Variants in DAB1 observed in about 807,000 individuals in gnomAD.
DAB1 encodes disabled homolog 1.
A neutral mutation model predicts 64.6 loss-of-function variants in DAB1; 15 were observed. That is an observed-to-expected ratio of 0.23 (90% CI 0.16 to 0.36). The LOEUF is 0.36. Ranked by LOEUF, DAB1 falls within the 10% of genes least tolerant of loss-of-function variation. The probability of loss-of-function intolerance (pLI) is 1.00; values close to 1 mark genes in which losing one functional copy is unlikely to be tolerated. For synonymous variants in DAB1, 235 were observed against 251.9 expected (o/e 0.93, Z 0.64); for missense variants, 596 against 706.7 (o/e 0.84, Z 1.78).
At chr1:57,640,487 A>G (rs1646115306) in intron 7 of DAB1, among the ~76,000 whole-genome samples, 1 of 152,172 alleles carries the variant, frequency 6.6e-6, no homozygotes, top group Admixed American at 6.5e-5. Flanking sequence ...GGGTGACACA[A>G]GAAACCAAGC....
At chr1:57,033,680 T>C in intron 9 of DAB1, 1 of 1,105,236 alleles carries the variant, frequency 9.0e-7, no homozygotes, top group South Asian at 1.3e-5. Context: ...TTCCGTGGTC[T>C]CAGTAGGCGG....
intron 7 of DAB1, among the ~76,000 whole-genome samples, chr1:57,463,335 G>T (rs1282256269): frequency 1.3e-5 from 2 of 152,122 alleles, no homozygotes; most frequent in East Asian, 1.9e-4. Flanking sequence ...AAATATTTTT[G>T]AAAATATCCA....
At position 57,466,934 on chromosome 1, in the gene DAB1, T is replaced by C. The variant is rs143263734; in HGVS notation, n.626-175768A>G. On this transcript the variant is annotated intron_variant and non_coding_transcript_variant, in intron 7 of 20. Transcript: ENST00000485760. ...TTGTTCTGCCACAAGCCAGGGAAAATTCTGTGTTTAAAAGGCTTGTGTGAT... is the reference window on the plus strand; with the variant it reads ...TTGTTCTGCCACAAGCCAGGGAAAACTCTGTGTTTAAAAGGCTTGTGTGAT... Among the ~76,000 whole-genome samples, 984 of 152,260 alleles carry C rather than the reference T, an allele frequency of 6.5e-3. 13 individuals are homozygous for C. Among genetic ancestry groups the C allele is most frequent in the African/African-American group, 0.023 (953 of 41,544 alleles).
At chr1:58,347,689 G>C (rs938734989) in intron 3 of DAB1, among the ~76,000 whole-genome samples, 1 of 152,188 alleles carries the variant, frequency 6.6e-6, no homozygotes, top group Non-Finnish European at 1.5e-5. Context: ...TTATCACAGG[G>C]AGGCCAAACC....
intron 7 of DAB1, among the ~76,000 whole-genome samples, chr1:57,609,615 G>A (rs762272375): frequency 2.0e-5 from 3 of 152,120 alleles, no homozygotes; most frequent in Non-Finnish European, 2.9e-5. Flanking sequence ...ATGGATCCCG[G>A]TTTCCTCATC....
At chr1:57,014,797 A>G in intron 12 of DAB1, 86 bp downstream of exon 12, 2 of 1,102,978 alleles carry the variant, frequency 1.8e-6, no homozygotes, top group South Asian at 1.7e-5. Flanking sequence ...TGCAAGTGAG[A>G]TGAGTTATTT....
At chr1:57,862,555 A>G (rs1335918510) in intron 1 of DAB1, 1 of 152,224 alleles carries the variant, frequency 6.6e-6, no homozygotes, top group Non-Finnish European at 1.5e-5. Context: ...TTTGAAAAAG[A>G]TTTATGTGAA....
intron 5 of DAB1, among the ~76,000 whole-genome samples, chr1:57,927,238 T>A (rs1644892453): frequency 6.6e-6 from 1 of 152,184 alleles, no homozygotes; most frequent in South Asian, 2.1e-4. Context: ...TCTGCAACTC[T>A]ATGGCAATCT....
At chr1:58,331,139 G>A (rs928605376) in intron 4 of DAB1, among the ~76,000 whole-genome samples, 4 of 152,188 alleles carry the variant, frequency 2.6e-5, no homozygotes, top group Non-Finnish European at 5.9e-5. Context: ...TTAACAGGCT[G>A]TTGGAAGAAG....
intron 2 of DAB1, among the ~76,000 whole-genome samples, chr1:57,187,267 T>G (rs374154458): frequency 6.6e-6 from 1 of 152,216 alleles, no homozygotes; most frequent in Admixed American, 6.5e-5. Context: ...ACCAATAGGA[T>G]CTCATTGCAT....
chr1:58,124,919 G>A (rs1036204811), intron 5 of DAB1, among the ~76,000 whole-genome samples: 2 of 152,136 alleles, frequency 1.3e-5, no homozygotes, highest in African/African-American at 2.4e-5. Context: ...ATAGTATGAA[G>A]CAAACAACAT....
chr1:57,460,066 G>T (rs996069385), intron 7 of DAB1, among the ~76,000 whole-genome samples: 1 of 152,152 alleles, frequency 6.6e-6, no homozygotes, highest in Non-Finnish European at 1.5e-5. Context: ...CTTTTGTAAG[G>T]ATTAGAAAAA....
In DAB1 at chr1:57,134,118, C is replaced by T. The variant is rs971220515; in HGVS notation, c.306+2425G>A. On this transcript the variant is annotated intron_variant, in intron 4 of 14. Transcript: ENST00000371236. The stretch of plus-strand genomic sequence containing the variant: ...ATGGTTGTTGCTTGAATACCCCCAG[C>T]GACGGTGAACTCCCTCACACAGAAG... 3.9e-5 allele frequency among the ~76,000 whole-genome samples: 6 copies of T among 152,162 alleles called. No individual in the cohort carries two copies. The East Asian group carries it at 5.8e-4, about 15-fold the overall frequency.
intron 3 of DAB1, among the ~76,000 whole-genome samples, chr1:58,437,852 ACCACGGC>A (rs917843580): frequency 1.8e-4 from 27 of 152,130 alleles, no homozygotes; most frequent in Non-Finnish European, 2.9e-4. Context: ...TGAGCACATG[ACCACGGC>A]CCAGCCATTC....
At chr1:57,391,247 CAAG>C (rs1348065448) in intron 1 of DAB1, among the ~76,000 whole-genome samples, 1 of 151,972 alleles carries the variant, frequency 6.6e-6, no homozygotes, top group Non-Finnish European at 1.5e-5. Flanking sequence ...GGCTAAGAAG[CAAG>C]AAGAATATAA....
intron 2 of DAB1, among the ~76,000 whole-genome samples, chr1:57,214,875 C>T (rs1356776682): frequency 1.5e-5 from 2 of 136,908 alleles, no homozygotes; most frequent in Non-Finnish European, 3.0e-5. Flanking sequence ...CACGCCACTG[C>T]ACTCCAGCCT....
At chr1:57,219,463 A>C (rs1314427468) in intron 2 of DAB1, among the ~76,000 whole-genome samples, 2 of 152,136 alleles carry the variant, frequency 1.3e-5, no homozygotes. Flanking sequence ...CCTCTCCCAT[A>C]CCATATGTGG....
At chr1:57,610,601 G>T (rs1645714098) in intron 7 of DAB1, among the ~76,000 whole-genome samples, 1 of 152,138 alleles carries the variant, frequency 6.6e-6, no homozygotes, top group South Asian at 2.1e-4. Flanking sequence ...AAGAAAAGAG[G>T]TTTAATTGAC....
intron 1 of DAB1, among the ~76,000 whole-genome samples, chr1:57,352,554 A>G (rs1449495835): frequency 1.3e-5 from 2 of 152,106 alleles, no homozygotes; most frequent in African/African-American, 2.4e-5. Flanking sequence ...CAACCACTCT[A>G]TGGCATAAGT....
Sources: gnomAD v4.1 joint callset for allele counts (sites outside exome capture counted in the v4.1 genomes callset) on GRCh38, gnomAD v4.1.1 for gene constraint, MANE v1.5 for transcripts, NCBI Gene and HGNC (gene_info 2026-07-23, HGNC 2026-07-21) for gene names.